PACRGL: variants seen among roughly 807,000 people sequenced by gnomAD.
PACRGL encodes the protein parkin coregulated like.
PACRGL carries 38 observed loss-of-function variants against 34.5 expected under a neutral mutation model. The observed-to-expected ratio is 1.10, with a 90% CI of 0.85 to 1.44. PACRGL has a LOEUF of 1.44. Among genes scored for constraint, PACRGL ranks in the 40% most tolerant of loss-of-function variants. The probability of loss-of-function intolerance (pLI) is 0.00; values close to 1 mark genes in which losing one functional copy is unlikely to be tolerated. For synonymous variants in PACRGL, 128 were observed against 100.1 expected (o/e 1.28, Z -1.66); for missense variants, 305 against 281.4 (o/e 1.08, Z -0.60).
Position 20,741,933 on chromosome 4 carries a change from G to T in PACRGL, c.*57-10632G>T, listed in dbSNP as rs1452241230. Among the ~76,000 whole-genome samples, 183 of 152,230 alleles carry T rather than the reference G, an allele frequency of 1.2e-3. No homozygotes were observed. In the East Asian group the frequency reaches 0.033, roughly 28 times the overall value. ...AATACAAACTACCATCAGAGAATACGATGAACACCTCTATGCGAATAAACT... is the reference window on the plus strand; with the variant it reads ...AATACAAACTACCATCAGAGAATACTATGAACACCTCTATGCGAATAAACT... On this transcript the variant is annotated intron_variant, in intron 8 of 8. Coordinates refer to the PACRGL transcript ENST00000507634.
At chr4:20,718,457 G>C (rs911577186) in intron 7 of PACRGL, among the ~76,000 whole-genome samples, 3 of 152,094 alleles carry the variant, frequency 2.0e-5, no homozygotes, top group Non-Finnish European at 4.4e-5. Context: ...GTATGATATT[G>C]GTTGTGGGTG....
At position 20,730,794 on chromosome 4, in the gene PACRGL, A is replaced by G. The variant is rs897625907; in HGVS notation, c.*3453A>G. Among the ~76,000 whole-genome samples the G allele has an allele frequency of 6.6e-6, 1 of 152,182 alleles. No homozygotes were observed. The highest frequency in any genetic ancestry group is 1.5e-5 in the Non-Finnish European group (1 of 68,032). On this transcript the variant is annotated 3_prime_UTR_variant, in exon 9 of 9. Coordinates refer to ENST00000503585, the MANE Select transcript of PACRGL (RefSeq NM_001258345.3). ...ATGAGTTAGGGGACAGACTTTGGGCATTATTGGAGCACTTGTCAGTTGCAT... is the reference window on the plus strand; with the variant it reads ...ATGAGTTAGGGGACAGACTTTGGGCGTTATTGGAGCACTTGTCAGTTGCAT...
chr4:20,702,097 CTT>C (rs1732431640), intron 1 of PACRGL: 1 of 452,264 alleles, frequency 2.2e-6, no homozygotes, highest in African/African-American at 2.0e-5. Context: ...GTTTTGGTGA[CTT>C]TTTGAACTCA....
intron 7 of PACRGL, among the ~76,000 whole-genome samples, chr4:20,723,925 C>T (rs2052775): frequency 1.3e-5 from 2 of 151,916 alleles, no homozygotes; most frequent in African/African-American, 4.8e-5. Context: ...GAGGTGCTAT[C>T]GGATCCCCTT....
At chr4:20,765,400 T>C in the PACRGL span, among the ~76,000 whole-genome samples, 1 of 152,328 alleles carries the variant, frequency 6.6e-6, no homozygotes, top group Middle Eastern at 3.4e-3. Flanking sequence ...GAGAGAGGCA[T>C]GTGCAAAGGG....
chr4:20,748,893 T>TGC (rs1230016596), intron 8 of PACRGL, among the ~76,000 whole-genome samples: 22 of 123,434 alleles, frequency 1.8e-4, no homozygotes, highest in Non-Finnish European at 3.3e-4. Context: ...TGTGTGTGTG[T>TGC]GTATATATAT....
intron 8 of PACRGL, among the ~76,000 whole-genome samples, chr4:20,740,132 G>A (rs909126055): frequency 3.3e-5 from 5 of 152,128 alleles, no homozygotes; most frequent in Non-Finnish European, 5.9e-5. Context: ...AAGTGACGGG[G>A]AGAATTGAAC....
intron 3 of PACRGL, among the ~76,000 whole-genome samples, chr4:20,706,357 A>T (rs1393797015): frequency 3.9e-5 from 6 of 152,188 alleles, no homozygotes; most frequent in Non-Finnish European, 8.8e-5. Flanking sequence ...TTGCTTGTAG[A>T]TGGTAGAAGT....
intron 5 of PACRGL, among the ~76,000 whole-genome samples, chr4:20,711,055 C>T (rs879747468): frequency 7.9e-5 from 12 of 151,962 alleles, no homozygotes; most frequent in Non-Finnish European, 1.8e-4. Context: ...TCACATTAGC[C>T]AGGCACAGTA....
At chr4:20,745,328 T>A (rs1454693065) in intron 8 of PACRGL, among the ~76,000 whole-genome samples, 1 of 152,170 alleles carries the variant, frequency 6.6e-6, no homozygotes, top group Non-Finnish European at 1.5e-5. Context: ...CTGAAACAAT[T>A]TACATTAAAA....
At chr4:20,726,326 A>G (rs2149209906) in intron 8 of PACRGL, among the ~76,000 whole-genome samples, 1 of 152,284 alleles carries the variant, frequency 6.6e-6, no homozygotes, top group Middle Eastern at 3.4e-3. Flanking sequence ...GAATGTTGCT[A>G]ATACAGAATT....
rs549251360 is a variant in PACRGL, at chr4:20,703,291, G to A, written c.-16-1175G>A. Among the ~76,000 whole-genome samples the A allele has an allele frequency of 4.6e-5, 7 of 152,238 alleles. No individual in the cohort carries two copies. In the South Asian group the frequency reaches 6.2e-4, roughly 14 times the overall value. On this transcript the variant is annotated intron_variant, in intron 1 of 8. Coordinates refer to ENST00000503585, the MANE Select transcript of PACRGL (RefSeq NM_001258345.3). ...ATTATTAAAGGCATTAAAATGAGAC[G>A]TGTGCTAATAGAATAACTAGATTGT...
chr4:20,741,432 A>G (rs898870814), intron 8 of PACRGL, among the ~76,000 whole-genome samples: 4 of 152,252 alleles, frequency 2.6e-5, no homozygotes, highest in African/African-American at 9.6e-5. Flanking sequence ...AAACTGCACA[A>G]CTACTTGGAA....
At chr4:20,703,573 C>T (rs1233109004) in intron 1 of PACRGL, among the ~76,000 whole-genome samples, 2 of 150,980 alleles carry the variant, frequency 1.3e-5, no homozygotes, top group Admixed American at 6.6e-5. Context: ...TAGCTGGAAA[C>T]CTTGGGGTAT....
At chr4:20,703,741 G>A (rs1578108487) in intron 1 of PACRGL, among the ~76,000 whole-genome samples, 1 of 152,130 alleles carries the variant, frequency 6.6e-6, no homozygotes, top group Non-Finnish European at 1.5e-5. Flanking sequence ...GGAAGTCGAG[G>A]TTTAGGGAGG....
chr4:20,699,832 G>T (rs937462063), upstream of PACRGL, among the ~76,000 whole-genome samples: 2 of 152,106 alleles, frequency 1.3e-5, no homozygotes, highest in Non-Finnish European at 2.9e-5. Context: ...ATAAAATCGT[G>T]CTTTTCACTA....
At chr4:20,738,244 A>G (rs1750180545) in intron 8 of PACRGL, among the ~76,000 whole-genome samples, 1 of 152,196 alleles carries the variant, frequency 6.6e-6, no homozygotes, top group Non-Finnish European at 1.5e-5. Context: ...GATGAGATTG[A>G]TTGTTATCAA....
chr4:20,727,234 T>C (rs978825445), intron 8 of PACRGL, 51 bp from the exon 9 acceptor site: 5 of 1,469,520 alleles, frequency 3.4e-6, no homozygotes, highest in South Asian at 1.2e-5. Context: ...TAATACCTAT[T>C]AGGGGAACTC....
chr4:20,724,935 G>A, intron 8 of PACRGL, 47 bp downstream of exon 8: 4 of 1,115,080 alleles, frequency 3.6e-6, no homozygotes, highest in Non-Finnish European at 4.8e-6. Flanking sequence ...ACTTTTAGGT[G>A]TATTACTAAA....
Sources: gnomAD v4.1 joint callset for allele counts (sites outside exome capture counted in the v4.1 genomes callset) on GRCh38, gnomAD v4.1.1 for gene constraint, MANE v1.5 for transcripts, NCBI Gene and HGNC (gene_info 2026-07-23, HGNC 2026-07-21) for gene names.